CAMTA1: variants seen among roughly 807,000 people sequenced by gnomAD.
CAMTA1 encodes the protein calmodulin-binding transcription activator 1.
CAMTA1 carries 27 observed loss-of-function variants against 170.9 expected under a neutral mutation model. The ratio of observed to expected loss-of-function variants is 0.16; its 90% CI spans 0.12 to 0.22. The LOEUF (loss-of-function observed/expected upper bound fraction) is 0.22. Ranked by LOEUF, CAMTA1 falls within the 10% of genes least tolerant of loss-of-function variation. CAMTA1 has a pLI of 1.00. For missense variants in CAMTA1, 1,619 were observed against 2,217.2 expected, an observed-to-expected ratio of 0.73 and a Z score of 5.42; for synonymous variants, 833 against 891.5, an observed-to-expected ratio of 0.93 and a Z score of 1.17.
chr1:7,750,622 G>A (rs1007428986), intron 19 of CAMTA1, among the ~76,000 whole-genome samples: 2 of 152,206 alleles, frequency 1.3e-5, no homozygotes, highest in Non-Finnish European at 2.9e-5. Context: ...CAGGTTTCAC[G>A]GCTTCACCAC....
At chr1:7,369,751 T>G (rs76661196) in intron 5 of CAMTA1, among the ~76,000 whole-genome samples, 1,622 of 152,100 alleles carry the variant, frequency 0.011, 30 homozygotes, top group African/African-American at 0.035. Flanking sequence ...TAGGACAAGC[T>G]GAGGTCATGG....
intron 4 of CAMTA1, among the ~76,000 whole-genome samples, chr1:7,150,888 C>T (rs1181682634): frequency 5.9e-5 from 9 of 152,156 alleles, no homozygotes; most frequent in Admixed American, 1.3e-4. Flanking sequence ...CAGAAAGCAC[C>T]GTTTCATTTT....
rs1204357103 is a variant in CAMTA1, at chr1:7,093,912, C to T, written c.302+2541C>T. Reference sequence around the variant, plus strand: ...TAGAAAATGGAGTTGCTGTTGATCCCACCCTTGCTGGGTCACGATGAGGAT... The same window carrying T: ...TAGAAAATGGAGTTGCTGTTGATCCTACCCTTGCTGGGTCACGATGAGGAT... On this transcript the variant is annotated intron_variant, in intron 4 of 22. Coordinates refer to ENST00000303635, the MANE Select transcript of CAMTA1 (RefSeq NM_015215.4). This position sits in a 1 kb window ranked among gnomAD's most constrained non-coding sequence, Gnocchi z 4.6. Among the ~76,000 whole-genome samples, 2 of 152,132 alleles carry T rather than the reference C, an allele frequency of 1.3e-5. No individual in the cohort carries two copies.
chr1:7,257,079 G>GGT (rs1553291570), intron 5 of CAMTA1, among the ~76,000 whole-genome samples: 1 of 150,214 alleles, frequency 6.7e-6, no homozygotes, highest in African/African-American at 2.5e-5. Context: ...CGCATGGCGG[G>GGT]GGCGGGGGTT....
At chr1:6,909,298 G>A (rs1418543958) in intron 3 of CAMTA1, among the ~76,000 whole-genome samples, 1 of 152,228 alleles carries the variant, frequency 6.6e-6, no homozygotes, top group East Asian at 1.9e-4. Flanking sequence ...TTTGGATACA[G>A]TATGTCTGAA....
chr1:7,294,118 C>T (rs1396262574), intron 5 of CAMTA1, among the ~76,000 whole-genome samples: 3 of 152,158 alleles, frequency 2.0e-5, no homozygotes, highest in Admixed American at 1.3e-4. Flanking sequence ...CCCTCCATCA[C>T]AAGCACTGAT....
At chr1:6,811,288 C>T (rs980358900) in intron 1 of CAMTA1, among the ~76,000 whole-genome samples, 1 of 152,144 alleles carries the variant, frequency 6.6e-6, no homozygotes, top group African/African-American at 2.4e-5. Flanking sequence ...AACGGTGCTA[C>T]CTTTTTCTCT....
rs140015051 is a variant in CAMTA1, at chr1:7,016,064, G to C, written c.235-75240G>C. Among the ~76,000 whole-genome samples, 437 of 152,282 alleles carry C rather than the reference G, an allele frequency of 2.9e-3. 5 individuals are homozygous for C. The highest frequency in any genetic ancestry group is 0.019 in the East Asian group (101 of 5,186). ...GGGATTACAGTTTGACATGAGATTT[G>C]GGTGGGACACAGAGCCAAACCATGT... is the stretch of plus-strand genomic sequence containing the variant. On this transcript the variant is annotated intron_variant, in intron 3 of 22. Coordinates refer to ENST00000303635, the MANE Select transcript of CAMTA1 (RefSeq NM_015215.4).
rs1031012108 is a variant in CAMTA1 at position 7,385,024 on chromosome 1, G to A, written c.439-82806G>A. Among the ~76,000 whole-genome samples the A allele has an allele frequency of 5.3e-5, 8 of 152,070 alleles. No homozygotes were observed. The South Asian group carries it at 1.7e-3, about 32-fold the overall frequency. ...GGAGGCAGTACTGCACCAGCTGGAA[G>A]TTGGACCACCCAGCTTCAGCAGAAC... On this transcript the variant is annotated intron_variant, in intron 5 of 22. Transcript: ENST00000303635.
chr1:7,187,142 G>A (rs1003367495), intron 4 of CAMTA1, among the ~76,000 whole-genome samples: 4 of 152,054 alleles, frequency 2.6e-5, no homozygotes, highest in Non-Finnish European at 5.9e-5. Flanking sequence ...GGGCAGGGTG[G>A]GTGCGGGGGC....
At chr1:7,294,996 C>T (rs150913521) in intron 5 of CAMTA1, among the ~76,000 whole-genome samples, 216 of 152,316 alleles carry the variant, frequency 1.4e-3, no homozygotes, top group African/African-American at 4.8e-3. Flanking sequence ...GCTGGCAGAC[C>T]TCAGGAGGAA....
At chr1:6,899,469 C>T (rs1205762790) in intron 3 of CAMTA1, among the ~76,000 whole-genome samples, 3 of 152,142 alleles carry the variant, frequency 2.0e-5, no homozygotes, top group African/African-American at 7.2e-5. Context: ...AATCACTTGC[C>T]TTGCATTTGA....
chr1:7,147,554 A>T lies in CAMTA1; in HGVS notation c.302+56183A>T, dbSNP rs960988946. ...TCAAACATACACTATGCACACGCAA[A>T]CACAAACATACATCACACACACGCA... On this transcript the variant is annotated intron_variant, in intron 4 of 22. Coordinates refer to ENST00000303635, the MANE Select transcript of CAMTA1 (RefSeq NM_015215.4). 1.2e-4 allele frequency among the ~76,000 whole-genome samples: 18 copies of T among 151,890 alleles called. 1 individual carries two copies. The highest frequency in any genetic ancestry group is 4.3e-4 in the African/African-American group (18 of 41,412).
chr1:7,367,116 A>G (rs1386314470), intron 5 of CAMTA1, among the ~76,000 whole-genome samples: 1 of 152,194 alleles, frequency 6.6e-6, no homozygotes, highest in African/African-American at 2.4e-5. Context: ...GACCTCCATT[A>G]TGAGAAAGAG....
rs763057851 is a variant in CAMTA1 at position 7,665,035 on chromosome 1, A to G, written c.2488A>G (p.Ser830Gly). The G allele has an allele frequency of 2.5e-6, 4 of 1,587,466 alleles. No individual in the cohort carries two copies. In the South Asian group the frequency reaches 4.6e-5, roughly 18 times the overall value. ...CLPCCSPQQG[S>G]LQLSSSEGGA... ...CCCCTGCTGTAGCCCCCAGCAGGGT[A>G]GCCTGCAGCTGAGCAGCTCGGAGGG... The change falls in exon 9 of 23, where the codon AGC becomes GGC. Residue 830 changes from serine to glycine, a missense_variant. This residue lies in a region of CAMTA1 where 731 missense variants were observed against 907.6 expected (regional missense o/e 0.81). Transcript: ENST00000303635. The surrounding 1 kb of genome is among the most constrained non-coding windows in gnomAD (Gnocchi z 4.3).
At chr1:7,531,403 T>A (rs1461106256) in intron 6 of CAMTA1, among the ~76,000 whole-genome samples, 1 of 152,212 alleles carries the variant, frequency 6.6e-6, no homozygotes, top group Non-Finnish European at 1.5e-5. Context: ...AGCAAATGCA[T>A]GCAGACCTGC....
intron 3 of CAMTA1, among the ~76,000 whole-genome samples, chr1:6,972,873 C>T (rs891269224): frequency 2.6e-5 from 4 of 151,886 alleles, no homozygotes; most frequent in Admixed American, 6.6e-5. Flanking sequence ...TTTTTTGAGA[C>T]GGAGTGTTGC....
intron 3 of CAMTA1, among the ~76,000 whole-genome samples, chr1:7,048,502 G>C (rs555242161): frequency 6.6e-6 from 1 of 152,310 alleles, no homozygotes; most frequent in Non-Finnish European, 1.5e-5. Context: ...GTTGGCTTTG[G>C]TGTGGCTACG....
intron 5 of CAMTA1, among the ~76,000 whole-genome samples, chr1:7,446,958 C>A (rs1013949529): frequency 1.3e-4 from 20 of 152,208 alleles, no homozygotes; most frequent in African/African-American, 4.8e-4. Context: ...GTCTTTCTTA[C>A]CTCCCAGGTA....
Sources: allele counts gnomAD v4.1 joint callset (sites outside exome capture counted in the v4.1 genomes callset), GRCh38; gene constraint gnomAD v4.1.1; regional missense constraint gnomAD v4.1.1; non-coding constraint Gnocchi (gnomAD v3.1); transcripts MANE v1.5; gene names NCBI Gene and HGNC (gene_info 2026-07-23, HGNC 2026-07-21).